The following CHST8 variants were observed in gnomAD, a reference collection of about 807,000 sequenced individuals.
CHST8 encodes the protein carbohydrate sulfotransferase 8.
In CHST8, 10 loss-of-function variants were observed where a neutral mutation model predicts 15.0. The ratio of observed to expected loss-of-function variants is 0.67; its 90% confidence interval spans 0.41 to 1.13. CHST8 has a LOEUF of 1.13. CHST8 is among the 50% of genes most tolerant of loss of function. The pLI is 0.00. For synonymous variants in CHST8, 259 were observed against 256.6 expected (o/e 1.01, Z -0.09); for missense variants, 634 against 608.2 (o/e 1.04, Z -0.45).
chr19:33,705,750 G>A (rs775512616), intron 3 of CHST8, among the ~76,000 whole-genome samples: 4 of 152,256 alleles, frequency 2.6e-5, no homozygotes, highest in Admixed American at 2.6e-4. Flanking sequence ...ACTCAGCAAG[G>A]GTCCCTTTGG....
intron 3 of CHST8, among the ~76,000 whole-genome samples, chr19:33,740,446 G>A (rs1974164173): frequency 6.6e-6 from 1 of 152,246 alleles, no homozygotes; most frequent in Non-Finnish European, 1.5e-5. Flanking sequence ...TGCCATGCAA[G>A]GAGGGATCTG....
chr19:33,700,227 C>T (rs763908765), intron 3 of CHST8, among the ~76,000 whole-genome samples: 1 of 152,194 alleles, frequency 6.6e-6, no homozygotes, highest in Non-Finnish European at 1.5e-5. Flanking sequence ...TGCGGAACAT[C>T]ATATATATTT....
At chr19:33,639,775 A>G (rs936252667) in intron 1 of CHST8, among the ~76,000 whole-genome samples, 7 of 152,060 alleles carry the variant, frequency 4.6e-5, no homozygotes, top group Non-Finnish European at 8.8e-5. Flanking sequence ...ATCTTAAGTG[A>G]ACAAAAACCT....
intron 3 of CHST8, among the ~76,000 whole-genome samples, chr19:33,761,025 G>A (rs530500739): frequency 2.2e-4 from 34 of 152,340 alleles, no homozygotes; most frequent in Admixed American, 1.3e-3. Flanking sequence ...ATCATTCCGC[G>A]TGGTGTACTG....
chr19:33,670,949 G>C (rs1972728861), intron 2 of CHST8, among the ~76,000 whole-genome samples: 1 of 152,178 alleles, frequency 6.6e-6, no homozygotes, highest in Non-Finnish European at 1.5e-5. Context: ...AAGAGGTTAA[G>C]TAGCCTATGT....
chr19:33,739,098 G>A (rs77978451), intron 3 of CHST8, among the ~76,000 whole-genome samples: 11,465 of 152,184 alleles, frequency 0.075, 595 homozygotes, highest in Middle Eastern at 0.12. Flanking sequence ...AAAGTTACAC[G>A]GTTTTAACTT....
chr19:33,669,793 A>G (rs532629972), intron 2 of CHST8, among the ~76,000 whole-genome samples: 11 of 152,270 alleles, frequency 7.2e-5, no homozygotes, highest in African/African-American at 2.4e-4. Flanking sequence ...TTTAACTATT[A>G]GTTGTGATGA....
At chr19:33,627,395 A>G (rs1972069842) in intron 1 of CHST8, among the ~76,000 whole-genome samples, 1 of 152,008 alleles carries the variant, frequency 6.6e-6, no homozygotes, top group Non-Finnish European at 1.5e-5. Flanking sequence ...TATAGGCGTG[A>G]GCCAGCACGC....
intron 1 of CHST8, among the ~76,000 whole-genome samples, chr19:33,633,479 A>G (rs1343657827): frequency 6.6e-6 from 1 of 151,036 alleles, no homozygotes; most frequent in African/African-American, 2.4e-5. Context: ...GCAGCCTTGA[A>G]CTCCTGGGCT....
rs557008979 is a variant in CHST8, at chr19:33,665,630, C to A, written c.-163-2137C>A. Among the ~76,000 whole-genome samples the A allele has an allele frequency of 2.7e-4, 40 of 149,124 alleles. No individual in the cohort carries two copies. In the South Asian group the frequency reaches 8.3e-3, roughly 31 times the overall value. On this transcript the variant is annotated intron_variant, in intron 1 of 4. Transcript: ENST00000650847. ...GTCGAAAGGATTGTTTGAGTATCTT[C>A]AAAACTGAAAAAAAAAAAAAGCTTT... is the stretch of plus-strand genomic sequence containing the variant.
chr19:33,739,810 TG>T (rs757624995), intron 3 of CHST8, among the ~76,000 whole-genome samples: 46 of 152,166 alleles, frequency 3.0e-4, no homozygotes, highest in Non-Finnish European at 5.9e-4. Context: ...ATCCAGGCTC[TG>T]GGCATCTCTC....
At chr19:33,768,467 T>A (rs1246252993) in intron 3 of CHST8, among the ~76,000 whole-genome samples, 4 of 152,164 alleles carry the variant, frequency 2.6e-5, no homozygotes, top group African/African-American at 7.2e-5. Context: ...ATTTTATTTT[T>A]TTGAGACAAA....
chr19:33,674,694 G>A (rs1480027528), intron 2 of CHST8, among the ~76,000 whole-genome samples: 2 of 152,162 alleles, frequency 1.3e-5, no homozygotes, highest in Admixed American at 6.5e-5. Context: ...GTCCTGCTGG[G>A]CCGCCACTCT....
At chr19:33,675,977 G>T (rs183240646) in intron 2 of CHST8, among the ~76,000 whole-genome samples, 3 of 152,286 alleles carry the variant, frequency 2.0e-5, no homozygotes, top group African/African-American at 7.2e-5. Context: ...CCCAATCCAG[G>T]CTCCTCCTTA....
chr19:33,648,860 T>C lies in CHST8; in HGVS notation c.-163-18907T>C, dbSNP rs192365254. On this transcript the variant is annotated intron_variant, in intron 1 of 4. Coordinates refer to ENST00000650847, the MANE Select transcript of CHST8 (RefSeq NM_001127895.2). Reference sequence around the variant, plus strand: ...AAATATAATAATAAATGTGTATATCTGTACAATGCAATATTATTCAGGCGT... The same window carrying C: ...AAATATAATAATAAATGTGTATATCCGTACAATGCAATATTATTCAGGCGT... Among the ~76,000 whole-genome samples the C allele has an allele frequency of 7.3e-4, 110 of 150,596 alleles. 1 individual carries two copies. The East Asian group carries it at 0.013, about 17-fold the overall frequency.
intron 3 of CHST8, among the ~76,000 whole-genome samples, chr19:33,700,546 T>C (rs745991325): frequency 6.6e-6 from 1 of 152,170 alleles, no homozygotes; most frequent in Non-Finnish European, 1.5e-5. Flanking sequence ...TGGAGTGCCT[T>C]CTCCTTGTCA....
chr19:33,685,247 G>A (rs1248855776), intron 2 of CHST8: 1 of 152,216 alleles, frequency 6.6e-6, no homozygotes, highest in Admixed American at 6.5e-5. Context: ...GTGCCCTGAA[G>A]TGAATTTCTT....
chr19:33,738,972 T>C lies in CHST8; in HGVS notation c.131-32441T>C, dbSNP rs563067187. ...TGGGTGGGGAGGATATTGCCAGGAT[T>C]AAAGCCGGGAGGACCCTGCATCCTT... On this transcript the variant is annotated intron_variant, in intron 3 of 4. Transcript: ENST00000650847. Among the ~76,000 whole-genome samples the C allele has an allele frequency of 8.7e-4, 132 of 152,140 alleles. 2 individuals carry two copies. In the Middle Eastern group the frequency reaches 0.041, roughly 47 times the overall value.
At position 33,772,434 on chromosome 19, in the gene CHST8, G is replaced by A; in HGVS notation, c.646G>A (p.Ala216Thr). ...KRVLMVLAGLASSTADIQHNT... is the reference protein window; with the variant it reads ...KRVLMVLAGLTSSTADIQHNT... ...GGTGCTCATGGTGCTGGCCGGCCTG[G>A]CCTCGTCCACTGCCGACATCCAGCA... is the stretch of plus-strand genomic sequence containing the variant. The change falls in exon 5 of 5, where the codon GCC becomes ACC. Residue 216 changes from alanine (A) to threonine (T), a missense_variant. Transcript: ENST00000650847. 3.1e-6 allele frequency: 5 copies of A among 1,611,440 alleles called. No homozygotes were observed. The highest frequency in any genetic ancestry group is 4.2e-6 in the Non-Finnish European group (5 of 1,179,966).
Sources: gnomAD v4.1 joint callset for allele counts (sites outside exome capture counted in the v4.1 genomes callset) on GRCh38, gnomAD v4.1.1 for gene constraint, MANE v1.5 for transcripts, NCBI Gene and HGNC (gene_info 2026-07-23, HGNC 2026-07-21) for gene names.